The following DIS3 variants were observed in gnomAD, a reference collection of about 807,000 sequenced individuals.
DIS3 encodes the protein exosome complex exonuclease RRP44.
DIS3 carries 103 observed loss-of-function variants against 113.0 expected under a neutral mutation model. That is an observed-to-expected ratio of 0.91 (90% confidence interval 0.78 to 1.07). DIS3 has a LOEUF of 1.07. DIS3 is among the 50% of genes least tolerant of loss of function. The pLI, the probability that DIS3 is intolerant of heterozygous loss-of-function variation, is 0.00. For synonymous variants in DIS3, 402 were observed against 394.3 expected, an observed-to-expected ratio of 1.02 and a Z score of -0.23; for missense variants, 1,121 against 1,167.1, an observed-to-expected ratio of 0.96 and a Z score of 0.58.
At position 72,771,784 on chromosome 13, in the gene DIS3, A is replaced by G; in HGVS notation, c.1605+11T>C. ...CCATGACTGTTAAATTTTTAAATTCAATACATTTACCTTTTCACAAAGATA... is the reference window on the plus strand; with the variant it reads ...CCATGACTGTTAAATTTTTAAATTCGATACATTTACCTTTTCACAAAGATA... On this transcript the variant is annotated intron_variant, in intron 11 of 20. Coordinates refer to ENST00000377767, the MANE Select transcript of DIS3 (RefSeq NM_014953.5). 1 of 1,610,288 alleles carries G rather than the reference A, an allele frequency of 6.2e-7. No homozygotes were observed. The highest frequency in any genetic ancestry group is 8.5e-7 in the Non-Finnish European group (1 of 1,178,888).
chr13:72,772,149 A>G lies in DIS3; in HGVS notation c.1503+10T>C. On this transcript the variant is annotated intron_variant, in intron 10 of 20. Transcript: ENST00000377767. ...TATATTTAGGTAAGAACACTATTACATATGAATACCTCCAAATTTCCATTT... is the reference window on the plus strand; with the variant it reads ...TATATTTAGGTAAGAACACTATTACGTATGAATACCTCCAAATTTCCATTT... 6.3e-7 allele frequency: 1 copy of G among 1,596,494 alleles called. No individual in the cohort carries two copies. Among genetic ancestry groups the G allele is most frequent in the Non-Finnish European group, 8.6e-7 (1 of 1,167,054 alleles).
chr13:72,774,762 T>G (rs770028298), intron 6 of DIS3, among the ~76,000 whole-genome samples: 2 of 152,162 alleles, frequency 1.3e-5, no homozygotes, highest in East Asian at 1.9e-4. Context: ...CTGAAAGTAT[T>G]CTCTTCATAA....
rs1042116586 is a variant in DIS3, at chr13:72,759,267, A to G, written c.*528T>C. ...TCACAGTTTTTCAAGGACCACTAATAAAATACAGGAAGCTTTTAAAGACAG... is the reference window on the plus strand; with the variant it reads ...TCACAGTTTTTCAAGGACCACTAATGAAATACAGGAAGCTTTTAAAGACAG... On this transcript the variant is annotated 3_prime_UTR_variant, in exon 21 of 21. Coordinates refer to ENST00000377767, the MANE Select transcript of DIS3 (RefSeq NM_014953.5). 1 of 202,576 alleles carries G rather than the reference A, an allele frequency of 4.9e-6. No individual in the cohort carries two copies. Among genetic ancestry groups the G allele is most frequent in the Non-Finnish European group, 1.0e-5 (1 of 98,542 alleles). 12.5% of individuals were successfully genotyped at this position (202,576 alleles called of 1,614,324 possible).
At chr13:72,761,625 G>A in intron 18 of DIS3, 21 bp downstream of exon 18, 1 of 1,564,142 alleles carries the variant, frequency 6.4e-7, no homozygotes, top group Non-Finnish European at 8.6e-7. Flanking sequence ...TTTTCTAGCA[G>A]TATCGACAAA....
At chr13:72,771,759 C>T in intron 11 of DIS3, 36 bp downstream of exon 11, 2 of 1,593,834 alleles carry the variant, frequency 1.3e-6, no homozygotes, top group Non-Finnish European at 1.7e-6. Flanking sequence ...CCTTAAGTGT[C>T]CATGACTGTT....
Position 72,753,906 on chromosome 13 carries a change from A to AT in DIS3, c.*5888_*5889insA, listed in dbSNP as rs2033356204. The AT allele has an allele frequency of 6.2e-6, 8 of 1,282,432 alleles. No individual in the cohort carries two copies. The highest frequency in any genetic ancestry group is 8.6e-6 in the Non-Finnish European group (8 of 934,862). 79.4% of individuals were successfully genotyped at this position (1,282,432 alleles called of 1,614,324 possible). A position where few individuals can be genotyped will look rare whatever the true frequency, so the allele number is the denominator to read the frequency against. On this transcript the variant is annotated 3_prime_UTR_variant, in exon 21 of 21. Transcript: ENST00000377767. Reference sequence around the variant, plus strand: ...TGATTATTAGACAATAGTACTATTGAGAAACTATATGAAATTTAAAACACT... The same window carrying AT: ...TGATTATTAGACAATAGTACTATTGATGAAACTATATGAAATTTAAAACACT...
chr13:72,774,481 G>T (rs1189673429), intron 6 of DIS3, among the ~76,000 whole-genome samples: 2 of 151,820 alleles, frequency 1.3e-5, no homozygotes, highest in Admixed American at 6.6e-5. Flanking sequence ...AATTCTAAAG[G>T]TTCTTCCTTA....
Position 72,755,338 on chromosome 13 carries a change from C to T in DIS3, c.*4457G>A, listed in dbSNP as rs753982034. ...CAAGTAACATGCTTAGCTTTCCCTC[C>T]TTAATGTGAAAAATCAAGGGCTTAC... is the stretch of plus-strand genomic sequence containing the variant. On this transcript the variant is annotated 3_prime_UTR_variant, in exon 21 of 21. Coordinates refer to ENST00000377767, the MANE Select transcript of DIS3 (RefSeq NM_014953.5). 6 of 747,736 alleles carry T rather than the reference C, an allele frequency of 8.0e-6. No individual in the cohort carries two copies. The highest frequency in any genetic ancestry group is 1.3e-5 in the Non-Finnish European group (6 of 464,576). 46.3% of individuals were successfully genotyped at this position (747,736 alleles called of 1,614,324 possible). A position where few individuals can be genotyped will look rare whatever the true frequency, so the allele number is the denominator to read the frequency against.
At position 72,766,019 on chromosome 13, in the gene DIS3, C is replaced by T. The variant is rs957060088; in HGVS notation, c.1923G>A (p.Met641Ile). Reference sequence around the variant, plus strand: ...CTATAGGATCGTGAGTTTCACTGTCCATGTGGAATCGAACTTCAGGAGAGG... The same window carrying T: ...CTATAGGATCGTGAGTTTCACTGTCTATGTGGAATCGAACTTCAGGAGAGG... ...TLSSPEVRFHMDSETHDPIDL... is the reference protein window; with the variant it reads ...TLSSPEVRFHIDSETHDPIDL... Residue 641 changes from methionine to isoleucine, a missense_variant, in exon 15 of 21, where the codon ATG (methionine) becomes ATA (isoleucine). Physicochemically the swap from Met to Ile is conservative, Grantham distance 10. This residue lies in a region of DIS3 where 861 missense variants were observed against 915.5 expected (regional missense o/e 0.94). Coordinates refer to ENST00000377767, the MANE Select transcript of DIS3 (RefSeq NM_014953.5). 6.2e-7 allele frequency: 1 copy of T among 1,611,576 alleles called. No homozygotes were observed. Among genetic ancestry groups the T allele is most frequent in the Admixed American group, 1.7e-5 (1 of 59,918 alleles).
chr13:72,775,470 A>C, intron 5 of DIS3, 95 bp from the exon 6 acceptor site: 1 of 1,317,930 alleles, frequency 7.6e-7, no homozygotes, highest in South Asian at 1.8e-5. Flanking sequence ...TACACTCTGA[A>C]TATCTCTATG....
In DIS3 at chr13:72,755,829, AC is replaced by A. The variant is rs1593827593; in HGVS notation, c.*3965del. 1.1e-4 allele frequency: 45 copies of A among 398,466 alleles called. No homozygotes were observed. In the East Asian group the frequency reaches 1.6e-3, roughly 14 times the overall value. The allele number at this position is 398,466 out of a possible 1,614,324, so 24.7% of individuals were successfully genotyped here. ...GAAAGGTAGTACTAGTGACATCATC[AC>A]GTGTATTGTTATCTATGGGGCAAAT... On this transcript the variant is annotated 3_prime_UTR_variant, in exon 21 of 21. Coordinates refer to ENST00000377767, the MANE Select transcript of DIS3 (RefSeq NM_014953.5).
Position 72,752,729 on chromosome 13 carries a change from G to A in DIS3, c.*7066C>T, listed in dbSNP as rs2033310878. ...ATGACCTCTAGTAGTAAGCAGATAT[G>A]TATCCAGCCTTGAAATCTGGGAACA... is the stretch of plus-strand genomic sequence containing the variant. On this transcript the variant is annotated 3_prime_UTR_variant, in exon 21 of 21. Coordinates refer to ENST00000377767, the MANE Select transcript of DIS3 (RefSeq NM_014953.5). 6.6e-6 allele frequency: 1 copy of A among 152,150 alleles called. No individual in the cohort carries two copies. Among genetic ancestry groups the A allele is most frequent in the African/African-American group, 2.4e-5 (1 of 41,418 alleles). 9.4% of individuals were successfully genotyped at this position (152,150 alleles called of 1,614,324 possible). A position where few individuals can be genotyped will look rare whatever the true frequency, so the allele number is the denominator to read the frequency against.
rs766192942 is a variant in DIS3 at position 72,760,574 on chromosome 13, A to C, written c.2748T>G (p.Ser916=). The change falls in exon 20 of 21, where the codon TCT becomes TCG. Residue 916 remains serine (S), a synonymous_variant. Transcript: ENST00000377767. ...KVKVKIMLDS[S]NLQHQKIRMS... ...TTCGGATCTTCTGATGTTGAAGATT[A>C]GATGAGTCTAACATGATTTTCACTT... 1.2e-6 allele frequency: 2 copies of C among 1,613,636 alleles called. No individual in the cohort carries two copies. The highest frequency in any genetic ancestry group is 1.7e-6 in the Non-Finnish European group (2 of 1,179,636).
At position 72,757,284 on chromosome 13, in the gene DIS3, C is replaced by CAAA. The variant is rs2033505014; in HGVS notation, c.*2510_*2511insTTT. 6.9e-6 allele frequency: 1 copy of CAAA among 145,854 alleles called. No homozygotes were observed. The highest frequency in any genetic ancestry group is 2.6e-5 in the African/African-American group (1 of 39,092). The allele number at this position is 145,854 out of a possible 1,614,324, so 9.0% of individuals were successfully genotyped here. ...TTTTTTTTTTTGAGACAGTCTTGTT[C>CAAA]TGTCACCCAGGCTGGAGTGCAGTGG... is the stretch of plus-strand genomic sequence containing the variant. On this transcript the variant is annotated 3_prime_UTR_variant, in exon 21 of 21. Coordinates refer to ENST00000377767, the MANE Select transcript of DIS3 (RefSeq NM_014953.5).
At chr13:72,771,415 C>T (rs2033883205) in intron 11 of DIS3, among the ~76,000 whole-genome samples, 1 of 152,116 alleles carries the variant, frequency 6.6e-6, no homozygotes, top group Admixed American at 6.5e-5. Context: ...CCTAGCTGTC[C>T]TCTGAAAGTT....
At position 72,772,679 on chromosome 13, in the gene DIS3, T is replaced by C. The variant is rs200502907; in HGVS notation, c.1386+14A>G. 7 of 1,590,598 alleles carry C rather than the reference T, an allele frequency of 4.4e-6. No individual in the cohort carries two copies. The African/African-American group carries it at 8.2e-5, about 19-fold the overall frequency. The stretch of plus-strand genomic sequence containing the variant: ...AATAATTTATAAAGTCACTACAAAT[T>C]ACTTTCAACTTACCTTTTCAGTAAT... On this transcript the variant is annotated intron_variant, in intron 9 of 20. Transcript: ENST00000377767.
rs149911705 is a variant in DIS3 at position 72,768,680 on chromosome 13, A to T, written c.1883+105T>A. 128 of 839,672 alleles carry T rather than the reference A, an allele frequency of 1.5e-4. No homozygotes were observed. The African/African-American group carries it at 2.1e-3, about 14-fold the overall frequency. The allele number at this position is 839,672 out of a possible 1,614,324, so 52.0% of individuals were successfully genotyped here. The stretch of plus-strand genomic sequence containing the variant: ...TACATACATAAATGGAAGCTAGAAG[A>T]AACAGGAGTCTCTATTCACCCTTTT... On this transcript the variant is annotated intron_variant, in intron 14 of 20. Coordinates refer to ENST00000377767, the MANE Select transcript of DIS3 (RefSeq NM_014953.5).
chr13:72,769,984 G>A (rs1316933314), intron 13 of DIS3, among the ~76,000 whole-genome samples: 1 of 152,166 alleles, frequency 6.6e-6, no homozygotes, highest in Admixed American at 6.5e-5. Flanking sequence ...GGACAAGAAA[G>A]ATAACCTGGC....
Position 72,756,909 on chromosome 13 carries a change from A to G in DIS3, c.*2886T>C, listed in dbSNP as rs1170114033. 1 of 152,202 alleles carries G rather than the reference A, an allele frequency of 6.6e-6. No individual in the cohort carries two copies. The highest frequency in any genetic ancestry group is 1.5e-5 in the Non-Finnish European group (1 of 68,044). 9.4% of individuals were successfully genotyped at this position (152,202 alleles called of 1,614,324 possible). On this transcript the variant is annotated 3_prime_UTR_variant, in exon 21 of 21. Coordinates refer to ENST00000377767, the MANE Select transcript of DIS3 (RefSeq NM_014953.5). ...GGTATTTCTTCGTAGCAGTGTGAGA[A>G]CAGACCATAAACCTCCATTTTCTCA...
Sources: allele counts gnomAD v4.1 joint callset (sites outside exome capture counted in the v4.1 genomes callset), GRCh38; gene constraint gnomAD v4.1.1; regional missense constraint gnomAD v4.1.1; transcripts MANE v1.5; gene names NCBI Gene and HGNC (gene_info 2026-07-23, HGNC 2026-07-21).